CD226: variants seen among roughly 807,000 people sequenced by gnomAD.
CD226 encodes CD226 molecule, also known as CD226 antigen.
CD226 carries 24 observed loss-of-function variants against 34.9 expected under a neutral mutation model. The ratio of observed to expected loss-of-function variants is 0.69; its 90% CI spans 0.50 to 0.97. The LOEUF is 0.97. CD226 is among the 50% of genes least tolerant of loss of function. The pLI, the probability that CD226 is intolerant of heterozygous loss-of-function variation, is 0.00. For missense variants in CD226, 397 were observed against 412.7 expected (o/e 0.96, Z 0.33); for synonymous variants, 148 against 147.4 (o/e 1.00, Z -0.03).
intron 2 of CD226, among the ~76,000 whole-genome samples, chr18:69,900,208 C>T (rs1233069798): frequency 6.6e-6 from 1 of 152,136 alleles, no homozygotes; most frequent in Non-Finnish European, 1.5e-5. Context: ...CATGTTCTCA[C>T]TTTCAAATGG....
chr18:69,867,449 T>C (rs1256779659), intron 4 of CD226, 38 bp from the exon 5 acceptor site: 1 of 1,274,108 alleles, frequency 7.8e-7, no homozygotes, highest in East Asian at 2.3e-5. Context: ...AAAGATATGA[T>C]ATTCCAGTAC....
chr18:69,909,545 A>G (rs1031902238), intron 2 of CD226, among the ~76,000 whole-genome samples: 1 of 152,268 alleles, frequency 6.6e-6, no homozygotes, highest in Non-Finnish European at 1.5e-5. Context: ...ACCATAATGA[A>G]GTTAAAATGA....
At chr18:69,873,060 T>C in intron 4 of CD226, 84 bp downstream of exon 4, 1 of 800,932 alleles carries the variant, frequency 1.2e-6, no homozygotes, top group South Asian at 1.4e-5. Context: ...ATGTGAATGC[T>C]GAGACAGCTT....
chr18:69,936,927 A>G (rs1193453959), intron 2 of CD226, among the ~76,000 whole-genome samples: 1 of 152,162 alleles, frequency 6.6e-6, no homozygotes, highest in African/African-American at 2.4e-5. Flanking sequence ...CTTGTTTGAA[A>G]TTTCCTTTGA....
upstream of CD226, among the ~76,000 whole-genome samples, chr18:69,949,053 G>A (rs2055824432): frequency 2.6e-5 from 4 of 152,192 alleles, no homozygotes; most frequent in Admixed American, 2.6e-4. Flanking sequence ...GAAATGGTGT[G>A]ACTACAGTCT....
At chr18:69,889,919 G>A (rs1225438851) in intron 3 of CD226, among the ~76,000 whole-genome samples, 1 of 152,114 alleles carries the variant, frequency 6.6e-6, no homozygotes, top group Non-Finnish European at 1.5e-5. Context: ...CAGCAATTAT[G>A]TGCCACTTAT....
rs1375452633 is a variant in CD226, at chr18:69,859,013, A to T, written c.*5301T>A. The T allele has an allele frequency of 6.6e-6, 1 of 151,866 alleles. No homozygotes were observed. Among genetic ancestry groups the T allele is most frequent in the Admixed American group, 6.6e-5 (1 of 15,248 alleles). The allele number at this position is 151,866 out of a possible 1,614,324, so 9.4% of individuals were successfully genotyped here. On this transcript the variant is annotated 3_prime_UTR_variant, in exon 6 of 6. Transcript: ENST00000582621. ...AGTATCTGTTTTCGTGCTTACAACC[A>T]ATACCCCCAACTTTTACAGACACAA...
chr18:69,905,165 A>AGGGACTCCG (rs1375939824), intron 2 of CD226, among the ~76,000 whole-genome samples: 3 of 152,126 alleles, frequency 2.0e-5, no homozygotes, highest in Non-Finnish European at 4.4e-5. Flanking sequence ...AGCCCTGAGA[A>AGGGACTCCG]GGGACTCCGG....
intron 2 of CD226, among the ~76,000 whole-genome samples, chr18:69,908,347 T>C (rs1036837029): frequency 1.3e-5 from 2 of 152,260 alleles, no homozygotes; most frequent in Admixed American, 1.3e-4. Flanking sequence ...GGGTGAATTG[T>C]ACTCCTTCTA....
intron 3 of CD226, among the ~76,000 whole-genome samples, chr18:69,892,773 G>A (rs1277369286): frequency 6.6e-6 from 1 of 150,626 alleles, no homozygotes; most frequent in Non-Finnish European, 1.5e-5. Flanking sequence ...CCGTGTCTGT[G>A]TGTGCATGTG....
intron 4 of CD226, among the ~76,000 whole-genome samples, chr18:69,870,967 C>T (rs769196798): frequency 2.6e-5 from 4 of 152,190 alleles, no homozygotes; most frequent in Non-Finnish European, 4.4e-5. Flanking sequence ...GGTGTGCATC[C>T]ATGATTACAA....
chr18:69,935,270 G>A (rs1393762377), intron 2 of CD226, among the ~76,000 whole-genome samples: 1 of 152,198 alleles, frequency 6.6e-6, no homozygotes, highest in African/African-American at 2.4e-5. Flanking sequence ...AATGTGATCT[G>A]TTAAGAGGTA....
chr18:69,913,602 T>C (rs2055352003), intron 2 of CD226, among the ~76,000 whole-genome samples: 1 of 152,250 alleles, frequency 6.6e-6, no homozygotes, highest in East Asian at 1.9e-4. Flanking sequence ...ACGTATGCCA[T>C]ACTCTTAGAG....
At chr18:69,931,201 G>A (rs966934876) in intron 2 of CD226, among the ~76,000 whole-genome samples, 1 of 152,066 alleles carries the variant, frequency 6.6e-6, no homozygotes, top group African/African-American at 2.4e-5. Flanking sequence ...ATGGACACAG[G>A]AAGGGGAACA....
intron 2 of CD226, among the ~76,000 whole-genome samples, chr18:69,927,508 G>T (rs767639202): frequency 6.6e-6 from 1 of 151,668 alleles, no homozygotes; most frequent in Non-Finnish European, 1.5e-5. Flanking sequence ...TCACAGAATC[G>T]AAATCCTACC....
At chr18:69,938,623 T>C (rs1400655148) in intron 2 of CD226, among the ~76,000 whole-genome samples, 2 of 152,238 alleles carry the variant, frequency 1.3e-5, no homozygotes, top group African/African-American at 4.8e-5. Context: ...TTCACATCTT[T>C]TTCACTAAAA....
rs1340765655 is a variant in CD226, at chr18:69,859,328, A to G, written c.*4986T>C. On this transcript the variant is annotated 3_prime_UTR_variant, in exon 6 of 6. Transcript: ENST00000582621. ...GTCAATTTATGGTAAATACAGAAAAAGTCAGTCCCCAGAATGACAATTATT... is the reference window on the plus strand; with the variant it reads ...GTCAATTTATGGTAAATACAGAAAAGGTCAGTCCCCAGAATGACAATTATT... The G allele has an allele frequency of 1.3e-5, 2 of 152,150 alleles. No individual in the cohort carries two copies. The highest frequency in any genetic ancestry group is 2.1e-4 in the South Asian group (1 of 4,826). 9.4% of individuals were successfully genotyped at this position (152,150 alleles called of 1,614,324 possible).
intron 2 of CD226, among the ~76,000 whole-genome samples, chr18:69,935,219 T>TA (rs1469360634): frequency 2.6e-5 from 4 of 152,356 alleles, no homozygotes; most frequent in African/African-American, 9.6e-5. Context: ...TCACATTTTT[T>TA]ATTTTACAAA....
chr18:69,937,737 C>T (rs145788599), intron 2 of CD226, among the ~76,000 whole-genome samples: 172 of 152,318 alleles, frequency 1.1e-3, no homozygotes, highest in African/African-American at 4.0e-3. Context: ...CTCTCCCCAG[C>T]TTTAAATCAA....
Sources: allele counts gnomAD v4.1 joint callset (sites outside exome capture counted in the v4.1 genomes callset), GRCh38; gene constraint gnomAD v4.1.1; transcripts MANE v1.5; gene names NCBI Gene and HGNC (gene_info 2026-07-23, HGNC 2026-07-21).